The following SH2B3 variants were observed in gnomAD, a reference collection of about 807,000 sequenced individuals.
SH2B3 encodes SH2B adaptor protein 3.
SH2B3 carries 43 observed loss-of-function variants against 51.9 expected under a neutral mutation model. The observed-to-expected ratio is 0.83, with a 90% CI of 0.65 to 1.07. SH2B3 has a LOEUF of 1.07. Ranked by LOEUF, SH2B3 falls within the 50% of genes least tolerant of loss-of-function variation. The pLI is 0.00. For synonymous variants in SH2B3, 396 were observed against 376.0 expected, an observed-to-expected ratio of 1.05 and a Z score of -0.62; for missense variants, 952 against 834.3, an observed-to-expected ratio of 1.14 and a Z score of -1.74.
rs185907813 is a variant in SH2B3 at position 111,410,623 on chromosome 12, G to A, written c.-28+4346G>A. 6.6e-6 allele frequency among the ~76,000 whole-genome samples: 1 copy of A among 152,328 alleles called. No individual in the cohort carries two copies. Among genetic ancestry groups the A allele is most frequent in the East Asian group, 1.9e-4 (1 of 5,182 alleles). ...AGGACATTTCCTGTTCTGGCAGACT[G>A]TGCTGGCCTGATAAATGTCCCCGGG... On this transcript the variant is annotated intron_variant, in intron 1 of 7. Coordinates refer to ENST00000341259, the MANE Select transcript of SH2B3 (RefSeq NM_005475.3). The surrounding 1 kb of genome is among the most constrained non-coding windows in gnomAD (Gnocchi z 4.9).
intron 2 of SH2B3, among the ~76,000 whole-genome samples, chr12:111,420,230 T>A (rs1024150897): frequency 5.9e-5 from 9 of 151,912 alleles, no homozygotes; most frequent in Admixed American, 4.6e-4. Context: ...TAGCTGGGCG[T>A]GGTGGTGTAC....
rs1315073305 is a variant in SH2B3, at chr12:111,438,773, T to C, written c.733-7980T>C. ...GTCAGGGAGGGCCTCCCTGAGGAGATGACACTTTGAAAAGCAGTCGTATTT... is the reference window on the plus strand; with the variant it reads ...GTCAGGGAGGGCCTCCCTGAGGAGACGACACTTTGAAAAGCAGTCGTATTT... On this transcript the variant is annotated intron_variant, in intron 2 of 7. Transcript: ENST00000341259. This position sits in a 1 kb window ranked among gnomAD's most constrained non-coding sequence, Gnocchi z 4.2. 3.3e-5 allele frequency among the ~76,000 whole-genome samples: 5 copies of C among 152,142 alleles called. No individual in the cohort carries two copies. Among genetic ancestry groups the C allele is most frequent in the Non-Finnish European group, 7.4e-5 (5 of 68,024 alleles).
At chr12:111,442,649 G>C (rs1275544854) in intron 2 of SH2B3, among the ~76,000 whole-genome samples, 1 of 152,194 alleles carries the variant, frequency 6.6e-6, no homozygotes, top group African/African-American at 2.4e-5. Context: ...CCAGGAGGAG[G>C]GGGACAGCCA....
intron 2 of SH2B3, chr12:111,434,637 C>T (rs780306051): frequency 1.1e-4 from 32 of 303,858 alleles, no homozygotes; most frequent in Non-Finnish European, 1.5e-4. Context: ...TTATTCTTTG[C>T]TTTTTTACCT....
intron 2 of SH2B3, among the ~76,000 whole-genome samples, chr12:111,445,857 A>G (rs1258454261): frequency 6.6e-6 from 1 of 152,238 alleles, no homozygotes; most frequent in African/African-American, 2.4e-5. Context: ...TTGGGGGTCA[A>G]TTCAACAGCA....
chr12:111,447,686 C>A lies in SH2B3; in HGVS notation c.1267C>A (p.Gln423Lys), dbSNP rs267603308. ...HLRLSLTERG[Q>K]CRVQHLHFPS... ...GCGCCTGTCGCTGACAGAGCGGGGC[C>A]AGTGCCGTGTGCAGCACCTCCACTT... Residue 423 changes from glutamine to lysine, a missense_variant, in exon 7 of 8, where the codon CAG (glutamine) becomes AAG (lysine). Gln to Lys is a moderately conservative substitution (Grantham distance 53). Coordinates refer to ENST00000341259, the MANE Select transcript of SH2B3 (RefSeq NM_005475.3). 6.1e-5 allele frequency: 98 copies of A among 1,613,554 alleles called. No individual in the cohort carries two copies. The highest frequency in any genetic ancestry group is 2.0e-5 in the Non-Finnish European group (24 of 1,179,760).
intron 2 of SH2B3, among the ~76,000 whole-genome samples, chr12:111,428,091 T>A (rs1872154078): frequency 6.6e-6 from 1 of 152,232 alleles, no homozygotes; most frequent in Non-Finnish European, 1.5e-5. Flanking sequence ...TGGGGGCACC[T>A]GTTTTGGGCT....
intron 2 of SH2B3, among the ~76,000 whole-genome samples, chr12:111,437,926 G>A (rs536911614): frequency 3.2e-4 from 48 of 152,302 alleles, no homozygotes; most frequent in Non-Finnish European, 6.6e-4. Context: ...GGCCTCAGCT[G>A]GCAGCAAGGT....
At chr12:111,443,489 A>G (rs1873630964) in intron 2 of SH2B3, 1 of 152,244 alleles carries the variant, frequency 6.6e-6, no homozygotes, top group Admixed American at 6.5e-5. Flanking sequence ...TGTTGTCTAC[A>G]GTTGCACTGA....
At chr12:111,431,851 C>T (rs1209429942) in intron 2 of SH2B3, among the ~76,000 whole-genome samples, 1 of 152,196 alleles carries the variant, frequency 6.6e-6, no homozygotes, top group East Asian at 1.9e-4. Flanking sequence ...AACAGTCCTC[C>T]CGCCTAGGTC....
Position 111,409,785 on chromosome 12 carries a change from A to C in SH2B3, c.-28+3508A>C, listed in dbSNP as rs985956782. 2.6e-4 allele frequency among the ~76,000 whole-genome samples: 39 copies of C among 152,162 alleles called. No individual in the cohort carries two copies. The highest frequency in any genetic ancestry group is 9.2e-4 in the African/African-American group (38 of 41,432). The stretch of plus-strand genomic sequence containing the variant: ...ATGGGGCCCTGCTGCCGGGGTGACA[A>C]GCATCCCTCTACCAGGGCTCCAGGG... On this transcript the variant is annotated intron_variant, in intron 1 of 7. Transcript: ENST00000341259. The surrounding 1 kb of genome is among the most constrained non-coding windows in gnomAD (Gnocchi z 4.0).
rs567610999 is a variant in SH2B3, at chr12:111,420,874, T to G, written c.732+1997T>G. On this transcript the variant is annotated intron_variant, in intron 2 of 7. Coordinates refer to ENST00000341259, the MANE Select transcript of SH2B3 (RefSeq NM_005475.3). The stretch of plus-strand genomic sequence containing the variant: ...GTCCCGGTTTGGCGGTTTGGGAGAG[T>G]CATCCAAGAATCCTTTGAAGTAACG... Among the ~76,000 whole-genome samples, 3 of 151,900 alleles carry G rather than the reference T, an allele frequency of 2.0e-5. No homozygotes were observed. The South Asian group carries it at 6.2e-4, about 32-fold the overall frequency.
chr12:111,447,151 A>G lies in SH2B3; in HGVS notation c.953A>G (p.His318Arg), dbSNP rs1481448392. Residue 318 changes from histidine to arginine, a missense_variant, in exon 5 of 8, where the codon CAT (histidine) becomes CGT (arginine). Transcript: ENST00000341259. ...RGLESTEAEM[H>R]IPSALEPSTS... ...CTGGAGAGCACAGAAGCAGAGATGC[A>G]TATTCCCTCAGCCCTAGAGCCTAGC... The G allele has an allele frequency of 6.2e-7, 1 of 1,614,062 alleles. No homozygotes were observed. The highest frequency in any genetic ancestry group is 1.1e-5 in the South Asian group (1 of 91,084).
chr12:111,444,827 G>A (rs1873772991), intron 2 of SH2B3: 4 of 985,684 alleles, frequency 4.1e-6, no homozygotes, highest in African/African-American at 1.7e-5. Context: ...AACCTGGCTG[G>A]AGCCTCTGGC....
intron 2 of SH2B3, among the ~76,000 whole-genome samples, chr12:111,442,072 T>C (rs1408893488): frequency 6.6e-6 from 1 of 152,186 alleles, no homozygotes; most frequent in Admixed American, 6.5e-5. Flanking sequence ...GGTTAACTTT[T>C]TGATACTAGA....
In SH2B3 at chr12:111,418,882, G is replaced by A; in HGVS notation, c.732+5G>A. 7.1e-7 allele frequency: 1 copy of A among 1,401,228 alleles called. No individual in the cohort carries two copies. Among genetic ancestry groups the A allele is most frequent in the Non-Finnish European group, 9.2e-7 (1 of 1,090,630 alleles). The allele number at this position is 1,401,228 out of a possible 1,614,324, so 86.8% of individuals were successfully genotyped here. ...GAGCTCTTCGACCCACCCAAGGTAA[G>A]TAAGCCCTGCCCGCGGGGTTGCGCA... On this transcript the variant is annotated splice_donor_5th_base_variant and intron_variant, in intron 2 of 7. Transcript: ENST00000341259. The surrounding 1 kb of genome is among the most constrained non-coding windows in gnomAD (Gnocchi z 6.7).
Position 111,447,311 on chromosome 12 carries a change from CACCCATCTT to C in SH2B3, c.1022-17_1022-9del. The stretch of plus-strand genomic sequence containing the variant: ...TAAGGTAGCCCCCTGCGACCACCAT[CACCCATCTT>C]ATCTAACAGGTGCTTCTCCTGGGGG... On this transcript the variant is annotated splice_polypyrimidine_tract_variant and intron_variant, in intron 5 of 7. Transcript: ENST00000341259. 6.2e-7 allele frequency: 1 copy of C among 1,606,802 alleles called. No individual in the cohort carries two copies. Among genetic ancestry groups the C allele is most frequent in the East Asian group, 2.2e-5 (1 of 44,836 alleles).
intron 2 of SH2B3, among the ~76,000 whole-genome samples, chr12:111,436,059 G>A (rs1349531528): frequency 1.3e-5 from 2 of 152,236 alleles, no homozygotes; most frequent in Non-Finnish European, 2.9e-5. Context: ...CAGGGCAGGT[G>A]GATGGAAGCT....
intron 2 of SH2B3, among the ~76,000 whole-genome samples, chr12:111,442,442 T>TCGAC (rs1410235354): frequency 1.3e-5 from 2 of 151,768 alleles, no homozygotes; most frequent in East Asian, 3.9e-4. Context: ...TGCTGGAGGG[T>TCGAC]CGACTGAGGC....
Sources: gnomAD v4.1 joint callset for allele counts (sites outside exome capture counted in the v4.1 genomes callset) on GRCh38, gnomAD v4.1.1 for gene constraint, Gnocchi (gnomAD v3.1) non-coding constraint, MANE v1.5 for transcripts, NCBI Gene and HGNC (gene_info 2026-07-23, HGNC 2026-07-21) for gene names.